Variants in SORCS1 observed in about 807,000 individuals in gnomAD.
The protein encoded by SORCS1 is sortilin related VPS10 domain containing receptor 1.
Under a neutral mutation model 146.1 loss-of-function variants are expected in SORCS1, and 60 were observed. The observed-to-expected ratio is 0.41, with a 90% CI of 0.33 to 0.51. SORCS1 has a LOEUF of 0.51. SORCS1 is among the 20% of genes least tolerant of loss of function. The pLI is 0.21. For missense variants in SORCS1, 1,352 were observed against 1,487.6 expected (o/e 0.91, Z 1.50); for synonymous variants, 637 against 584.0 (o/e 1.09, Z -1.31).
chr10:106,727,766 C>T lies in SORCS1; in HGVS notation c.1024+2284G>A, dbSNP rs58551326. On this transcript the variant is annotated intron_variant, in intron 6 of 25. Transcript: ENST00000263054. ...ATTAACCTGAGGTCTCAACCATCCA[C>T]AGTAATCAATTATGCTCGATTGGTC... Among the ~76,000 whole-genome samples the T allele has an allele frequency of 5.8e-3, 880 of 152,266 alleles. 26 individuals are homozygous for T. The East Asian group carries it at 0.095, about 17-fold the overall frequency.
intron 1 of SORCS1, among the ~76,000 whole-genome samples, chr10:107,122,860 T>C (rs1231929902): frequency 6.6e-6 from 1 of 152,056 alleles, no homozygotes; most frequent in Non-Finnish European, 1.5e-5. Flanking sequence ...GATAAGCAAA[T>C]GCTCAGAGTT....
chr10:107,093,400 C>G (rs1009248532), intron 1 of SORCS1, among the ~76,000 whole-genome samples: 1 of 152,134 alleles, frequency 6.6e-6, no homozygotes. Context: ...TTCGGCCAGG[C>G]GTGGTGGCTC....
chr10:106,703,037 C>T (rs1039509444), intron 8 of SORCS1, among the ~76,000 whole-genome samples: 1 of 152,140 alleles, frequency 6.6e-6, no homozygotes, highest in African/African-American at 2.4e-5. Flanking sequence ...ACTCTCTAGG[C>T]AAGAAACACA....
chr10:106,808,357 C>T (rs1488464226), intron 3 of SORCS1, among the ~76,000 whole-genome samples: 3 of 152,156 alleles, frequency 2.0e-5, no homozygotes, highest in Non-Finnish European at 4.4e-5. Context: ...TCAATAAATG[C>T]ACATCCCTTT....
intron 23 of SORCS1, among the ~76,000 whole-genome samples, chr10:106,606,677 C>A (rs1358000780): frequency 6.6e-6 from 1 of 152,112 alleles, no homozygotes; most frequent in Non-Finnish European, 1.5e-5. Context: ...TGGCTGTGCT[C>A]CCACCCAAAT....
intron 3 of SORCS1, among the ~76,000 whole-genome samples, chr10:106,799,218 C>T (rs1305295741): frequency 6.6e-6 from 1 of 152,124 alleles, no homozygotes; most frequent in East Asian, 1.9e-4. Flanking sequence ...ACACCTTATA[C>T]AAAAATTAAT....
chr10:107,065,979 T>C (rs994489434), intron 1 of SORCS1, among the ~76,000 whole-genome samples: 1 of 152,214 alleles, frequency 6.6e-6, no homozygotes, highest in Non-Finnish European at 1.5e-5. Flanking sequence ...CTAGCACCAA[T>C]GGCTTAACCA....
intron 1 of SORCS1, among the ~76,000 whole-genome samples, chr10:107,162,852 C>A (rs1018902442): frequency 1.3e-5 from 2 of 152,230 alleles, no homozygotes; most frequent in Non-Finnish European, 2.9e-5. Context: ...ACAAACACTA[C>A]AATCTCAATT....
intron 1 of SORCS1, among the ~76,000 whole-genome samples, chr10:107,030,017 A>G (rs533415204): frequency 6.6e-6 from 1 of 152,332 alleles, no homozygotes; most frequent in South Asian, 2.1e-4. Flanking sequence ...AGGGACAGAC[A>G]CATGCAGCAA....
At chr10:106,992,822 CTTTCTTTTTT>C (rs1192824494) in intron 1 of SORCS1, among the ~76,000 whole-genome samples, 6 of 98,790 alleles carry the variant, frequency 6.1e-5, no homozygotes, top group East Asian at 2.4e-4. Context: ...TCCTTTCTTT[CTTTCTTTTTT>C]TTTTTTTTTT....
intron 24 of SORCS1, among the ~76,000 whole-genome samples, chr10:106,594,929 A>G (rs1213349646): frequency 1.3e-5 from 2 of 152,338 alleles, no homozygotes; most frequent in East Asian, 3.9e-4. Context: ...AAATCAGTGA[A>G]TCTTTTTAAA....
At chr10:106,640,019 A>C (rs538818763) in intron 18 of SORCS1, among the ~76,000 whole-genome samples, 1 of 152,212 alleles carries the variant, frequency 6.6e-6, no homozygotes, top group East Asian at 1.9e-4. Context: ...TCAAAAAAAA[A>C]ACAAGAAAGA....
At chr10:106,967,050 T>C (rs1394311302) in intron 1 of SORCS1, among the ~76,000 whole-genome samples, 4 of 151,290 alleles carry the variant, frequency 2.6e-5, no homozygotes, top group South Asian at 4.2e-4. Flanking sequence ...ATCTTGAAAA[T>C]AGGGGACACA....
intron 23 of SORCS1, among the ~76,000 whole-genome samples, chr10:106,605,100 C>G (rs999427345): frequency 6.6e-6 from 1 of 152,204 alleles, no homozygotes; most frequent in African/African-American, 2.4e-5. Flanking sequence ...AGTCACACAG[C>G]CTTCAAGCAA....
intron 22 of SORCS1, 137 bp from the exon 23 acceptor site, chr10:106,607,434 G>T: frequency 1.7e-6 from 2 of 1,195,562 alleles, no homozygotes; most frequent in Non-Finnish European, 2.3e-6. Context: ...GGCATATCAG[G>T]CAGGGAGTAT....
intron 3 of SORCS1, among the ~76,000 whole-genome samples, chr10:106,778,378 C>T (rs747151983): frequency 1.3e-5 from 2 of 152,090 alleles, no homozygotes; most frequent in South Asian, 2.1e-4. Flanking sequence ...TGCCCACCAA[C>T]CATAAATTCT....
chr10:107,029,472 T>C (rs1026967486), intron 1 of SORCS1, among the ~76,000 whole-genome samples: 1 of 152,206 alleles, frequency 6.6e-6, no homozygotes, highest in Non-Finnish European at 1.5e-5. Context: ...TTTCCTGCAA[T>C]TCTCCATAAC....
chr10:107,019,144 G>A (rs943866011), intron 1 of SORCS1, among the ~76,000 whole-genome samples: 1 of 152,208 alleles, frequency 6.6e-6, no homozygotes, highest in African/African-American at 2.4e-5. Context: ...ATATGATGCA[G>A]ACTAGTGGGT....
chr10:107,045,810 T>C (rs935769766), intron 1 of SORCS1, among the ~76,000 whole-genome samples: 3 of 151,122 alleles, frequency 2.0e-5, no homozygotes, highest in Non-Finnish European at 3.0e-5. Context: ...CTCAGTTGTG[T>C]TCTTATTCTG....
Sources: allele counts gnomAD v4.1 joint callset (sites outside exome capture counted in the v4.1 genomes callset), GRCh38; gene constraint gnomAD v4.1.1; transcripts MANE v1.5; gene names NCBI Gene and HGNC (gene_info 2026-07-23, HGNC 2026-07-21).